Variants in ARL15 observed in about 807,000 individuals in gnomAD.
ARL15 encodes ADP-ribosylation factor-like protein 15.
Under a neutral mutation model 25.2 loss-of-function variants are expected in ARL15, and 19 were observed. The observed-to-expected ratio is 0.75, with a 90% CI of 0.53 to 1.10. The LOEUF (loss-of-function observed/expected upper bound fraction) is 1.10, where lower values mean the gene tolerates loss of function less well. Ranked by LOEUF, ARL15 falls within the 50% of genes least tolerant of loss-of-function variation. ARL15 has a pLI of 0.00. For missense variants in ARL15, 220 were observed against 246.0 expected (o/e 0.89, Z 0.71); for synonymous variants, 94 against 86.8 (o/e 1.08, Z -0.46).
In ARL15 at chr5:54,268,232, G is replaced by GA. The variant is rs1579966674; in HGVS notation, c.48+42199dup. 2.6e-5 allele frequency among the ~76,000 whole-genome samples: 4 copies of GA among 151,836 alleles called. No individual in the cohort carries two copies. The East Asian group carries it at 7.7e-4, about 29-fold the overall frequency. On this transcript the variant is annotated intron_variant, in intron 1 of 4. Coordinates refer to ENST00000504924, the MANE Select transcript of ARL15 (RefSeq NM_019087.3). Reference sequence around the variant, plus strand: ...TTCATTCATTTCATCTTCCATCACTGATACCCTTTCTTCCAGTTGATCGCA... The same window carrying GA: ...TTCATTCATTTCATCTTCCATCACTGAATACCCTTTCTTCCAGTTGATCGCA...
chr5:54,029,048 A>C (rs1749878710), intron 4 of ARL15, among the ~76,000 whole-genome samples: 1 of 151,966 alleles, frequency 6.6e-6, no homozygotes, highest in South Asian at 2.1e-4. Context: ...AAAATTACGA[A>C]GAATTCATGG....
At chr5:53,903,500 C>T (rs917556845) in intron 4 of ARL15, among the ~76,000 whole-genome samples, 4 of 152,114 alleles carry the variant, frequency 2.6e-5, no homozygotes, top group African/African-American at 9.7e-5. Context: ...CTCACCTCAA[C>T]AAAACATTAT....
chr5:53,958,339 C>G (rs551200929), intron 4 of ARL15, among the ~76,000 whole-genome samples: 1 of 151,992 alleles, frequency 6.6e-6, no homozygotes, highest in Non-Finnish European at 1.5e-5. Flanking sequence ...TATGCTGTTA[C>G]GTTGGTATCA....
At chr5:54,049,672 C>T (rs1750646458) in intron 4 of ARL15, among the ~76,000 whole-genome samples, 3 of 152,040 alleles carry the variant, frequency 2.0e-5, no homozygotes, top group Admixed American at 1.3e-4. Flanking sequence ...ACAATCTCGG[C>T]TCACTACAAC....
intron 1 of ARL15, among the ~76,000 whole-genome samples, chr5:54,278,195 C>G (rs2112661304): frequency 6.6e-6 from 1 of 152,310 alleles, no homozygotes; most frequent in African/African-American, 2.4e-5. Flanking sequence ...AGCACAACAC[C>G]TTTGGAAAAT....
chr5:54,275,222 C>T lies in ARL15; in HGVS notation c.48+35210G>A, dbSNP rs187904509. ...CTGCCTACACACTGTCTTTGAGGTA[C>T]ACTGCACCGTCTGTTGGCTTAATCT... On this transcript the variant is annotated intron_variant, in intron 1 of 4. Transcript: ENST00000504924. Among the ~76,000 whole-genome samples, 4 of 152,294 alleles carry T rather than the reference C, an allele frequency of 2.6e-5. No individual in the cohort carries two copies. In the East Asian group the frequency reaches 7.7e-4, roughly 29 times the overall value.
intron 3 of ARL15, among the ~76,000 whole-genome samples, chr5:54,144,202 TA>T (rs150331517): frequency 0.06 from 9,104 of 152,056 alleles, 318 homozygotes; most frequent in Middle Eastern, 0.086. Flanking sequence ...TACATCTAAA[TA>T]TTTTTTTTTC....
chr5:53,899,610 A>T (rs1237474692), intron 4 of ARL15, among the ~76,000 whole-genome samples: 1 of 151,814 alleles, frequency 6.6e-6, no homozygotes, highest in East Asian at 1.9e-4. Context: ...GTTGGATCTC[A>T]CCCCCATATA....
chr5:54,232,495 G>T (rs541831394), intron 1 of ARL15, among the ~76,000 whole-genome samples: 1 of 152,190 alleles, frequency 6.6e-6, no homozygotes, highest in East Asian at 1.9e-4. Flanking sequence ...CCTTCCACTG[G>T]GCCTCAAGAC....
intron 4 of ARL15, among the ~76,000 whole-genome samples, chr5:53,945,426 C>G (rs978206897): frequency 2.0e-5 from 3 of 152,140 alleles, no homozygotes; most frequent in Non-Finnish European, 2.9e-5. Context: ...TTCGTTAACT[C>G]AGTTTGTTTA....
At chr5:53,992,377 C>G (rs1051247352) in intron 4 of ARL15, among the ~76,000 whole-genome samples, 1 of 152,166 alleles carries the variant, frequency 6.6e-6, no homozygotes, top group Non-Finnish European at 1.5e-5. Context: ...AATACCTGCT[C>G]AGTATACATA....
intron 1 of ARL15, among the ~76,000 whole-genome samples, chr5:54,305,676 TTAA>T (rs1048666107): frequency 3.3e-5 from 5 of 152,196 alleles, no homozygotes; most frequent in African/African-American, 9.7e-5. Flanking sequence ...TAGTAAGTGA[TTAA>T]TAATAACTAA....
chr5:54,179,894 C>T (rs914544545), intron 1 of ARL15, among the ~76,000 whole-genome samples: 2 of 151,392 alleles, frequency 1.3e-5, no homozygotes, highest in Non-Finnish European at 2.9e-5. Context: ...GGTGTGTGCC[C>T]GTAGTCCCAG....
intron 4 of ARL15, among the ~76,000 whole-genome samples, chr5:53,955,160 T>C (rs1374974229): frequency 6.6e-6 from 1 of 150,934 alleles, no homozygotes; most frequent in Non-Finnish European, 1.5e-5. Context: ...CAAAGGAAGA[T>C]AGCAGCACAG....
At chr5:54,130,777 C>T (rs1433811035) in intron 3 of ARL15, among the ~76,000 whole-genome samples, 3 of 152,090 alleles carry the variant, frequency 2.0e-5, no homozygotes, top group Admixed American at 6.6e-5. Flanking sequence ...GAACCAGGGA[C>T]ACAGGTACAT....
intron 4 of ARL15, among the ~76,000 whole-genome samples, chr5:54,033,834 G>C (rs115695350): frequency 0.047 from 7,192 of 152,132 alleles, 237 homozygotes; most frequent in Middle Eastern, 0.075. Context: ...TTTTTATTGA[G>C]ACAGAGTCTC....
intron 4 of ARL15, among the ~76,000 whole-genome samples, chr5:53,966,334 G>A (rs749739049): frequency 3.2e-4 from 49 of 152,140 alleles, no homozygotes; most frequent in Non-Finnish European, 6.0e-4. Context: ...GAGACTCCAC[G>A]CCCCTTCCCT....
intron 4 of ARL15, among the ~76,000 whole-genome samples, chr5:53,985,101 T>C (rs1421919824): frequency 2.0e-5 from 3 of 152,190 alleles, no homozygotes; most frequent in Non-Finnish European, 4.4e-5. Context: ...TGTGTTTACA[T>C]AGAGGGTGAG....
At chr5:54,067,729 T>TGCC (rs1751286877) in intron 4 of ARL15, among the ~76,000 whole-genome samples, 8 of 152,156 alleles carry the variant, frequency 5.3e-5, no homozygotes, top group African/African-American at 1.7e-4. Flanking sequence ...AAACAGCACA[T>TGCC]TGCCTGGCAC....
Sources: gnomAD v4.1 joint callset for allele counts (sites outside exome capture counted in the v4.1 genomes callset) on GRCh38, gnomAD v4.1.1 for gene constraint, MANE v1.5 for transcripts, NCBI Gene and HGNC (gene_info 2026-07-23, HGNC 2026-07-21) for gene names.